The following ZSCAN1 variants were observed in gnomAD, a reference collection of about 807,000 sequenced individuals.
The protein encoded by ZSCAN1 is zinc finger and SCAN domain-containing protein 1.
A neutral mutation model predicts 23.8 loss-of-function variants in ZSCAN1; 23 were observed. The ratio of observed to expected loss-of-function variants is 0.97; its 90% CI spans 0.70 to 1.37. The LOEUF is 1.37. Among genes scored for constraint, ZSCAN1 ranks in the 40% most tolerant of loss-of-function variants. The probability of loss-of-function intolerance (pLI) is 0.00; values close to 1 mark genes in which losing one functional copy is unlikely to be tolerated. For missense variants in ZSCAN1, 575 were observed against 554.0 expected, an observed-to-expected ratio of 1.04 and a Z score of -0.38; for synonymous variants, 236 against 232.3, an observed-to-expected ratio of 1.02 and a Z score of -0.15.
intron 1 of ZSCAN1, among the ~76,000 whole-genome samples, chr19:58,034,409 TG>T (rs1302326307): frequency 3.7e-5 from 5 of 134,936 alleles, no homozygotes; most frequent in South Asian, 4.9e-4. Context: ...GGGCGGGGAC[TG>T]GGGGGGCTGG....
chr19:58,044,874 G>T, intron 4 of ZSCAN1: 5 of 778,070 alleles, frequency 6.4e-6, no homozygotes, highest in Non-Finnish European at 1.1e-5. Flanking sequence ...TGGGTTTTGT[G>T]GTCCTGGGGC....
At position 58,054,179 on chromosome 19, in the gene ZSCAN1, CA is replaced by C; in HGVS notation, c.*130del. 2.4e-6 allele frequency: 3 copies of C among 1,276,280 alleles called. No individual in the cohort carries two copies. Among genetic ancestry groups the C allele is most frequent in the Non-Finnish European group, 3.1e-6 (3 of 960,354 alleles). The allele number at this position is 1,276,280 out of a possible 1,614,324, so 79.1% of individuals were successfully genotyped here. A position where few individuals can be genotyped will look rare whatever the true frequency, so the allele number is the denominator to read the frequency against. On this transcript the variant is annotated 3_prime_UTR_variant, in exon 6 of 6. Transcript: ENST00000282326. The surrounding 1 kb of genome is among the most constrained non-coding windows in gnomAD (Gnocchi z 4.2). ...ACCTTGGGACTCCTCTTGAAGGACA[CA>C]AGCTGTTTCTCGGAAGACCCTGGAC...
At chr19:58,038,231 C>G (rs1245859139) in intron 3 of ZSCAN1, 25 bp downstream of exon 3, 6 of 1,582,186 alleles carry the variant, frequency 3.8e-6, no homozygotes, top group Non-Finnish European at 3.4e-6. Flanking sequence ...CTTCCTGCCC[C>G]GGGCCGGGCC....
Position 58,045,080 on chromosome 19 carries a change from C to A in ZSCAN1, c.465+4536C>A. ...TGCTGGGCGAGCTGAGGCACTACTA[C>A]CATGGCTTCCGCCTGCTACGGATCC... On this transcript the variant is annotated intron_variant, in intron 4 of 5. Transcript: ENST00000282326. The surrounding 1 kb of genome is among the most constrained non-coding windows in gnomAD (Gnocchi z 4.3). 1 of 1,201,578 alleles carries A rather than the reference C, an allele frequency of 8.3e-7. No homozygotes were observed. Among genetic ancestry groups the A allele is most frequent in the Non-Finnish European group, 1.2e-6 (1 of 807,636 alleles). The allele number at this position is 1,201,578 out of a possible 1,614,324, so 74.4% of individuals were successfully genotyped here.
rs1029704645 is a variant in ZSCAN1, at chr19:58,047,606, G to A, written c.466-4884G>A. Among the ~76,000 whole-genome samples the A allele has an allele frequency of 3.3e-5, 5 of 152,202 alleles. No individual in the cohort carries two copies. Among genetic ancestry groups the A allele is most frequent in the African/African-American group, 1.2e-4 (5 of 41,448 alleles). ...ACTGTGTCAGGGATGAGCCTGGCTCGGGTTGGTGGGGCTCTGAAGCACATT... is the reference window on the plus strand; with the variant it reads ...ACTGTGTCAGGGATGAGCCTGGCTCAGGTTGGTGGGGCTCTGAAGCACATT... On this transcript the variant is annotated intron_variant, in intron 4 of 5. Transcript: ENST00000282326. This position sits in a 1 kb window ranked among gnomAD's most constrained non-coding sequence, Gnocchi z 4.9.
chr19:58,050,048 T>C (rs904249974), intron 4 of ZSCAN1, among the ~76,000 whole-genome samples: 2 of 151,896 alleles, frequency 1.3e-5, no homozygotes, highest in Non-Finnish European at 2.9e-5. Context: ...AAGGTTGGTA[T>C]CTCCTACTCC....
At position 58,045,841 on chromosome 19, in the gene ZSCAN1, A is replaced by T. The variant is rs1033003708; in HGVS notation, c.465+5297A>T. ...GTCCCGGACCATGTAGCTCCCGGAC[A>T]CCCTCTTGCCAGCCGACCAGCTCAA... On this transcript the variant is annotated intron_variant, in intron 4 of 5. Transcript: ENST00000282326. This position sits in a 1 kb window ranked among gnomAD's most constrained non-coding sequence, Gnocchi z 4.3. The T allele has an allele frequency of 4.5e-5, 57 of 1,253,568 alleles. No individual in the cohort carries two copies. Among genetic ancestry groups the T allele is most frequent in the Non-Finnish European group, 6.2e-5 (53 of 851,550 alleles). 77.7% of individuals were successfully genotyped at this position (1,253,568 alleles called of 1,614,324 possible).
intron 4 of ZSCAN1, chr19:58,044,837 CGA>C: frequency 1.3e-6 from 1 of 759,688 alleles, no homozygotes; most frequent in Non-Finnish European, 2.4e-6. Flanking sequence ...CGCACCGTGT[CGA>C]GAGCGCCATG....
In ZSCAN1 at chr19:58,040,369, G is replaced by T; in HGVS notation, c.371-81G>T. ...GGTGCTGCAGGGATGTTCGGGGAAAGTCTGCCCTCCCCAGAAGGCCTGGAG... is the reference window on the plus strand; with the variant it reads ...GGTGCTGCAGGGATGTTCGGGGAAATTCTGCCCTCCCCAGAAGGCCTGGAG... On this transcript the variant is annotated intron_variant, in intron 3 of 5. Coordinates refer to ENST00000282326, the MANE Select transcript of ZSCAN1 (RefSeq NM_182572.4). The surrounding 1 kb of genome is among the most constrained non-coding windows in gnomAD (Gnocchi z 5.8). The T allele has an allele frequency of 6.1e-6, 9 of 1,481,932 alleles. No homozygotes were observed. Among genetic ancestry groups the T allele is most frequent in the Non-Finnish European group, 8.4e-6 (9 of 1,066,588 alleles). 91.8% of individuals were successfully genotyped at this position (1,481,932 alleles called of 1,614,324 possible).
rs1473715366 is a variant in ZSCAN1 at position 58,049,952 on chromosome 19, A to G, written c.466-2538A>G. ...TCCACTGTGTTGCTGCAGATCTTCA[A>G]TGGGTCCTTGAGCGTTCTGGGCTAT... On this transcript the variant is annotated intron_variant, in intron 4 of 5. Transcript: ENST00000282326. The surrounding 1 kb of genome is among the most constrained non-coding windows in gnomAD (Gnocchi z 4.5). Among the ~76,000 whole-genome samples, 1 of 152,012 alleles carries G rather than the reference A, an allele frequency of 6.6e-6. No individual in the cohort carries two copies. The highest frequency in any genetic ancestry group is 1.5e-5 in the Non-Finnish European group (1 of 67,998).
In ZSCAN1 at chr19:58,045,887, C is replaced by T; in HGVS notation, c.465+5343C>T. 1 of 1,012,958 alleles carries T rather than the reference C, an allele frequency of 9.9e-7. No homozygotes were observed. The allele number at this position is 1,012,958 out of a possible 1,614,324, so 62.7% of individuals were successfully genotyped here. On this transcript the variant is annotated intron_variant, in intron 4 of 5. Transcript: ENST00000282326. This position sits in a 1 kb window ranked among gnomAD's most constrained non-coding sequence, Gnocchi z 4.3. ...CTCAAGTCCACACTGCAGACTCTCC[C>T]AGAGATTGTGGCAAAGGAAGCACAG...
rs1226314236 is a variant in ZSCAN1 at position 58,049,192 on chromosome 19, A to C, written c.466-3298A>C. 1 of 154,364 alleles carries C rather than the reference A, an allele frequency of 6.5e-6. No homozygotes were observed. The highest frequency in any genetic ancestry group is 2.4e-5 in the African/African-American group (1 of 41,394). 9.6% of individuals were successfully genotyped at this position (154,364 alleles called of 1,614,324 possible). A position where few individuals can be genotyped will look rare whatever the true frequency, so the allele number is the denominator to read the frequency against. On this transcript the variant is annotated intron_variant, in intron 4 of 5. Transcript: ENST00000282326. The surrounding 1 kb of genome is among the most constrained non-coding windows in gnomAD (Gnocchi z 4.5). Reference sequence around the variant, plus strand: ...CTCTTTGCAGCAGGGGTGGGGGGTGATCCTATCAATTTGCCATCCAGCTCC... The same window carrying C: ...CTCTTTGCAGCAGGGGTGGGGGGTGCTCCTATCAATTTGCCATCCAGCTCC...
intron 4 of ZSCAN1, chr19:58,044,887 C>CGA: frequency 1.3e-6 from 1 of 797,368 alleles, no homozygotes; most frequent in Middle Eastern, 2.5e-4. Context: ...CCTGGGGCCT[C>CGA]GGTGCCTTCC....
At chr19:58,046,910 A>C (rs1006506088) in intron 4 of ZSCAN1, 2 of 526,646 alleles carry the variant, frequency 3.8e-6, no homozygotes, top group African/African-American at 3.8e-5. Flanking sequence ...AGTAAACTGT[A>C]ATTTTCATCA....
intron 4 of ZSCAN1, chr19:58,046,830 G>A (rs901931175): frequency 4.3e-6 from 3 of 697,474 alleles, no homozygotes; most frequent in African/African-American, 3.5e-5. Flanking sequence ...GGCTGTGAGA[G>A]CGATTTGCGG....
In ZSCAN1 at chr19:58,045,909, A is replaced by C. The variant is rs140313702; in HGVS notation, c.465+5365A>C. The C allele has an allele frequency of 1.2e-5, 12 of 998,428 alleles. No individual in the cohort carries two copies. The Middle Eastern group carries it at 6.2e-4, about 52-fold the overall frequency. The allele number at this position is 998,428 out of a possible 1,614,324, so 61.8% of individuals were successfully genotyped here. On this transcript the variant is annotated intron_variant, in intron 4 of 5. Coordinates refer to ENST00000282326, the MANE Select transcript of ZSCAN1 (RefSeq NM_182572.4). The surrounding 1 kb of genome is among the most constrained non-coding windows in gnomAD (Gnocchi z 4.3). Reference sequence around the variant, plus strand: ...TCCCAGAGATTGTGGCAAAGGAAGCACAGGTGAAAGTGGCCGAGGTGGAGG... The same window carrying C: ...TCCCAGAGATTGTGGCAAAGGAAGCCCAGGTGAAAGTGGCCGAGGTGGAGG...
At position 58,053,290 on chromosome 19, in the gene ZSCAN1, G is replaced by A. The variant is rs1341860167; in HGVS notation, c.605-139G>A. Reference sequence around the variant, plus strand: ...CTTGTATCTTAAAGGACAGAACGGAGGACACAGGGGCCGTATTGAGCAGAG... The same window carrying A: ...CTTGTATCTTAAAGGACAGAACGGAAGACACAGGGGCCGTATTGAGCAGAG... On this transcript the variant is annotated intron_variant, in intron 5 of 5. Transcript: ENST00000282326. The surrounding 1 kb of genome is among the most constrained non-coding windows in gnomAD (Gnocchi z 5.8). The A allele has an allele frequency of 2.8e-6, 3 of 1,088,662 alleles. No homozygotes were observed. In the African/African-American group the frequency reaches 4.7e-5, roughly 17 times the overall value. The allele number at this position is 1,088,662 out of a possible 1,614,324, so 67.4% of individuals were successfully genotyped here.
In ZSCAN1 at chr19:58,045,431, CAA is replaced by C; in HGVS notation, c.465+4889_465+4890del. 9.1e-7 allele frequency: 1 copy of C among 1,093,812 alleles called. No individual in the cohort carries two copies. The highest frequency in any genetic ancestry group is 1.4e-6 in the Non-Finnish European group (1 of 704,468). 67.8% of individuals were successfully genotyped at this position (1,093,812 alleles called of 1,614,324 possible). ...ACGAGGCAGCCAAGGGCAGTGCCAC[CAA>C]AGACTTCTCTGTGTTTTTCCAGAAG... On this transcript the variant is annotated intron_variant, in intron 4 of 5. Transcript: ENST00000282326. The surrounding 1 kb of genome is among the most constrained non-coding windows in gnomAD (Gnocchi z 4.3).
intron 1 of ZSCAN1, 147 bp downstream of exon 1, chr19:58,034,308 G>A (rs1020802758): frequency 6.7e-6 from 1 of 149,516 alleles, no homozygotes. Context: ...GCCCGGGCCC[G>A]GGAGGGGGCG....
Sources: gnomAD v4.1 joint callset for allele counts (sites outside exome capture counted in the v4.1 genomes callset) on GRCh38, gnomAD v4.1.1 for gene constraint, Gnocchi (gnomAD v3.1) non-coding constraint, MANE v1.5 for transcripts, NCBI Gene and HGNC (gene_info 2026-07-23, HGNC 2026-07-21) for gene names.